Variants in RNF121 observed in about 807,000 individuals in gnomAD.
The protein encoded by RNF121 is ring finger protein 121.
Under a neutral mutation model 46.5 loss-of-function variants are expected in RNF121, and 21 were observed. The ratio of observed to expected loss-of-function variants is 0.45; its 90% CI spans 0.32 to 0.65. The LOEUF (loss-of-function observed/expected upper bound fraction) is 0.65. Ranked by LOEUF, RNF121 falls within the 30% of genes least tolerant of loss-of-function variation. The probability of loss-of-function intolerance (pLI) is 0.04; values close to 1 mark genes in which losing one functional copy is unlikely to be tolerated. For missense variants in RNF121, 346 were observed against 416.0 expected, an observed-to-expected ratio of 0.83 and a Z score of 1.46; for synonymous variants, 139 against 144.7, an observed-to-expected ratio of 0.96 and a Z score of 0.28.
intron 1 of RNF121, among the ~76,000 whole-genome samples, chr11:71,935,283 T>C (rs961197611): frequency 6.6e-5 from 10 of 152,184 alleles, no homozygotes; most frequent in African/African-American, 2.4e-4. Flanking sequence ...ATATGTACTA[T>C]TATTATTATC....
intron 6 of RNF121, among the ~76,000 whole-genome samples, chr11:71,992,687 T>C (rs1023337389): frequency 6.6e-6 from 1 of 152,232 alleles, no homozygotes; most frequent in East Asian, 1.9e-4. Context: ...GTTTCAAAGC[T>C]GAGATTTCTG....
chr11:71,994,103 G>C (rs1954924014), intron 6 of RNF121, among the ~76,000 whole-genome samples: 2 of 152,230 alleles, frequency 1.3e-5, no homozygotes, highest in South Asian at 4.1e-4. Flanking sequence ...GCCTCCCAAA[G>C]TGCTGGGGTT....
At chr11:71,963,602 G>C (rs1256723717) in intron 3 of RNF121, among the ~76,000 whole-genome samples, 2 of 151,998 alleles carry the variant, frequency 1.3e-5, no homozygotes, top group African/African-American at 4.8e-5. Flanking sequence ...CCTGATAACA[G>C]AGCAAGACTC....
At chr11:71,963,409 TC>T (rs1954187210) in intron 3 of RNF121, among the ~76,000 whole-genome samples, 1 of 152,030 alleles carries the variant, frequency 6.6e-6, no homozygotes, top group Non-Finnish European at 1.5e-5. Flanking sequence ...GATCACAAGG[TC>T]AGGAGTTTGA....
intron 6 of RNF121, among the ~76,000 whole-genome samples, chr11:71,993,135 A>G (rs1461070032): frequency 2.0e-5 from 3 of 152,214 alleles, no homozygotes; most frequent in Non-Finnish European, 2.9e-5. Context: ...TTTTTGAACA[A>G]CTGTCTTGTG....
intron 1 of RNF121, among the ~76,000 whole-genome samples, chr11:71,937,713 G>T (rs1953453883): frequency 6.6e-6 from 1 of 152,132 alleles, no homozygotes; most frequent in African/African-American, 2.4e-5. Context: ...CCCAGATTCT[G>T]CTTCTTTGCA....
At chr11:71,966,936 A>G (rs1375472695) in intron 3 of RNF121, among the ~76,000 whole-genome samples, 1 of 148,710 alleles carries the variant, frequency 6.7e-6, no homozygotes, top group Admixed American at 6.7e-5. Flanking sequence ...CAGAGGCGCA[A>G]TCTCGGCTCA....
chr11:71,984,340 G>A (rs1000654542), intron 4 of RNF121, among the ~76,000 whole-genome samples: 14 of 151,582 alleles, frequency 9.2e-5, no homozygotes, highest in African/African-American at 2.4e-4. Flanking sequence ...GCAGTGGCAC[G>A]ATCTCGGCTC....
chr11:71,936,813 G>A (rs1953425704), intron 1 of RNF121, among the ~76,000 whole-genome samples: 1 of 67,974 alleles, frequency 1.5e-5, no homozygotes, highest in Non-Finnish European at 3.3e-5. Flanking sequence ...AAGATGAAGA[G>A]GAATATTTTA....
intron 1 of RNF121, among the ~76,000 whole-genome samples, chr11:71,951,481 G>GGTAGTC (rs1242441196): frequency 6.6e-6 from 1 of 152,010 alleles, no homozygotes; most frequent in Non-Finnish European, 1.5e-5. Flanking sequence ...GGGAGGCTGA[G>GGTAGTC]GTAGTCTCAG....
intron 3 of RNF121, among the ~76,000 whole-genome samples, chr11:71,979,586 T>G (rs976813752): frequency 2.6e-5 from 4 of 152,244 alleles, no homozygotes; most frequent in African/African-American, 9.6e-5. Context: ...ATGCCCCGAC[T>G]TACTCCTAAT....
At chr11:71,949,417 CAAAA>C (rs1200732681) in intron 1 of RNF121, among the ~76,000 whole-genome samples, 1 of 151,684 alleles carries the variant, frequency 6.6e-6, no homozygotes, top group Non-Finnish European at 1.5e-5. Context: ...GACCCTGTCT[CAAAA>C]AAACAAAAAC....
Position 71,996,474 on chromosome 11 carries a change from G to C in RNF121, c.*159G>C. The C allele has an allele frequency of 1.3e-6, 1 of 773,550 alleles. No individual in the cohort carries two copies. The highest frequency in any genetic ancestry group is 2.0e-5 in the South Asian group (1 of 49,842). 47.9% of individuals were successfully genotyped at this position (773,550 alleles called of 1,614,324 possible). ...TGTCGGACTGGGGAGGGATATGATG[G>C]AGAGCCAGCCAGTGGGGCTGTCAGC... On this transcript the variant is annotated 3_prime_UTR_variant, in exon 9 of 9. Coordinates refer to ENST00000361756, the MANE Select transcript of RNF121 (RefSeq NM_018320.5).
At chr11:71,987,980 A>T (rs1385290867) in intron 5 of RNF121, among the ~76,000 whole-genome samples, 1 of 152,238 alleles carries the variant, frequency 6.6e-6, no homozygotes, top group Non-Finnish European at 1.5e-5. Flanking sequence ...ATCACAGGTC[A>T]TAAGCAGTGT....
At chr11:71,968,154 G>T (rs1042979646) in intron 3 of RNF121, among the ~76,000 whole-genome samples, 3 of 151,682 alleles carry the variant, frequency 2.0e-5, no homozygotes, top group African/African-American at 7.3e-5. Flanking sequence ...CTCTGCCCCC[G>T]GTTCAAGCGA....
intron 1 of RNF121, among the ~76,000 whole-genome samples, chr11:71,947,834 A>T (rs910914308): frequency 1.3e-5 from 2 of 152,196 alleles, no homozygotes; most frequent in African/African-American, 4.8e-5. Context: ...AGAGTCGGGG[A>T]GATCATTTTG....
At chr11:71,931,131 G>A (rs767607088) in intron 1 of RNF121, among the ~76,000 whole-genome samples, 18 of 152,098 alleles carry the variant, frequency 1.2e-4, no homozygotes, top group Non-Finnish European at 1.5e-4. Flanking sequence ...CACCGCGCCC[G>A]GCTAAGAAAA....
intron 4 of RNF121, among the ~76,000 whole-genome samples, chr11:71,985,459 C>T (rs976536172): frequency 6.6e-6 from 1 of 152,190 alleles, no homozygotes; most frequent in Non-Finnish European, 1.5e-5. Context: ...AATTTCACAT[C>T]CTTTTCACCG....
chr11:71,995,630 C>G (rs917726989), intron 8 of RNF121, 79 bp downstream of exon 8: 2 of 1,119,398 alleles, frequency 1.8e-6, no homozygotes, highest in Non-Finnish European at 2.6e-6. Flanking sequence ...TTTGGGTCCT[C>G]CTGGGGCCCT....
Sources: gnomAD v4.1 joint callset for allele counts (sites outside exome capture counted in the v4.1 genomes callset) on GRCh38, gnomAD v4.1.1 for gene constraint, MANE v1.5 for transcripts, NCBI Gene and HGNC (gene_info 2026-07-23, HGNC 2026-07-21) for gene names.